The following BRCA2 variants were observed in gnomAD, a reference collection of about 807,000 sequenced individuals.
BRCA2 encodes the protein BRCA2 DNA repair associated, also known as breast cancer type 2 susceptibility protein.
A neutral mutation model predicts 276.7 loss-of-function variants in BRCA2; 203 were observed. That is an observed-to-expected ratio of 0.73 (90% CI 0.65 to 0.82). BRCA2 has a LOEUF of 0.82. Among genes scored for constraint, BRCA2 ranks in the 40% least tolerant of loss-of-function variants. The pLI is 0.00. For missense variants in BRCA2, 3,920 were observed against 3,915.0 expected (o/e 1.00, Z -0.03); for synonymous variants, 1,289 against 1,338.4 (o/e 0.96, Z 0.81).
intron 24 of BRCA2, among the ~76,000 whole-genome samples, chr13:32,394,024 C>G (rs1374771949): frequency 6.6e-6 from 1 of 152,036 alleles, no homozygotes; most frequent in Non-Finnish European, 1.5e-5. Context: ...CTTATATTCC[C>G]TTCTTCCTTA....
At position 32,353,301 on chromosome 13, in the gene BRCA2, G is replaced by C. The variant is rs118097643; in HGVS notation, c.7008-1560G>C. 6.2e-4 allele frequency among the ~76,000 whole-genome samples: 94 copies of C among 152,224 alleles called. 1 individual carries two copies. Among genetic ancestry groups the C allele is most frequent in the African/African-American group, 2.1e-3 (89 of 41,528 alleles). ...CTCTTTGAGTACTCTCCTGAACCCA[G>C]TCTAGTCAGTCCTTTCAGTAGAACT... On this transcript the variant is annotated intron_variant, in intron 13 of 26. Coordinates refer to ENST00000380152, the MANE Select transcript of BRCA2 (RefSeq NM_000059.4).
chr13:32,348,800 T>C (rs1448103574), intron 13 of BRCA2, among the ~76,000 whole-genome samples: 1 of 152,210 alleles, frequency 6.6e-6, no homozygotes, highest in Non-Finnish European at 1.5e-5. Flanking sequence ...GCTGTGTTGC[T>C]AAGTCTAGAA....
chr13:32,319,312 C>G lies in BRCA2; in HGVS notation c.303C>G (p.Phe101Leu). The change falls in exon 3 of 27, where the codon TTC (phenylalanine) becomes TTG (leucine). Residue 101 changes from phenylalanine to leucine, a missense_variant. By Grantham distance (22) the Phe-to-Leu change is conservative. Around this residue, in one of 2 missense-constraint regions of BRCA2, gnomAD observed 3,263 missense variants for 3,156.9 expected, o/e 1.03. Coordinates refer to ENST00000380152, the MANE Select transcript of BRCA2 (RefSeq NM_000059.4). Reference protein sequence around the residue: ...YQSPVKELDKFKLDLGRNVPN... With the variant: ...YQSPVKELDKLKLDLGRNVPN... ...CTCCTGTAAAAGAATTAGATAAATT[C>G]AAATTAGACTTAGGTAAGTAATGCA... is the stretch of plus-strand genomic sequence containing the variant. 6.2e-7 allele frequency: 1 copy of G among 1,613,242 alleles called. No individual in the cohort carries two copies. The highest frequency in any genetic ancestry group is 1.1e-5 in the South Asian group (1 of 91,062).
In BRCA2 at chr13:32,381,150, G is replaced by C. The variant is rs1232825218; in HGVS notation, c.9256+1005G>C. On this transcript the variant is annotated intron_variant, in intron 24 of 26. Transcript: ENST00000380152. ...ACACATTTTATTGTTATTATAGAAG[G>C]TGGATAACTTTTGTTCATTTAATTC... 2.6e-5 allele frequency among the ~76,000 whole-genome samples: 4 copies of C among 152,148 alleles called. No homozygotes were observed. The East Asian group carries it at 7.7e-4, about 29-fold the overall frequency.
Position 32,398,199 on chromosome 13 carries a change from CT to C in BRCA2, c.9689del (p.Leu3230TyrfsTer19), listed in dbSNP as rs755175776. The part of the protein sequence containing the change: ...SPNCEIYYQS[P>X]LSLCMAKRKS... ...AATTGTGAGATATATTATCAAAGTC[CT>C]TTATCACTTTGTATGGCCAAAAGGA... On this transcript the variant is annotated frameshift_variant, in exon 27 of 27. Coordinates refer to ENST00000380152, the MANE Select transcript of BRCA2 (RefSeq NM_000059.4). LOFTEE classifies it low-confidence loss of function (END_TRUNC). 1 of 1,611,956 alleles carries C rather than the reference CT, an allele frequency of 6.2e-7. No individual in the cohort carries two copies. Among genetic ancestry groups the C allele is most frequent in the Admixed American group, 1.7e-5 (1 of 59,844 alleles).
chr13:32,355,213 A>T lies in BRCA2; in HGVS notation c.7360A>T (p.Ile2454Phe), dbSNP rs876660249. Residue 2454 changes from isoleucine to phenylalanine, a missense_variant, in exon 14 of 27, where the codon ATT becomes TTT. By Grantham distance (21) the Ile-to-Phe change is conservative. Coordinates refer to ENST00000380152, the MANE Select transcript of BRCA2 (RefSeq NM_000059.4). ...DSKNKINDNE[I>F]HQFNKNNSNQ... ...TAAAAATAAGATTAATGACAATGAG[A>T]TTCATCAGTTTAACAAAAACAACTC... 2.5e-6 allele frequency: 4 copies of T among 1,612,762 alleles called. No homozygotes were observed. The African/African-American group carries it at 5.3e-5, about 22-fold the overall frequency.
At chr13:32,370,604 C>G (rs11571744) in intron 19 of BRCA2, 47 bp downstream of exon 19, 1 of 1,574,020 alleles carries the variant, frequency 6.4e-7, no homozygotes, top group Non-Finnish European at 8.7e-7. Context: ...TCTTTTGATA[C>G]AATTAATTTG....
At chr13:32,346,989 G>A (rs565269424) in intron 13 of BRCA2, 93 bp downstream of exon 13, 21 of 935,186 alleles carry the variant, frequency 2.2e-5, no homozygotes, top group African/African-American at 1.2e-4. Flanking sequence ...TGACACTAAC[G>A]TTAAGAAGTT....
chr13:32,358,686 A>G (rs1345071917), intron 16 of BRCA2, among the ~76,000 whole-genome samples: 1 of 151,294 alleles, frequency 6.6e-6, no homozygotes, highest in Non-Finnish European at 1.5e-5. Context: ...TAGTCCCAAC[A>G]CTTCGGAAGG....
chr13:32,387,282 G>A (rs2072966966), intron 24 of BRCA2, among the ~76,000 whole-genome samples: 1 of 152,182 alleles, frequency 6.6e-6, no homozygotes, highest in South Asian at 2.1e-4. Context: ...TGGACAATTA[G>A]CAATCATTAT....
At chr13:32,351,255 G>A (rs1258042194) in intron 13 of BRCA2, among the ~76,000 whole-genome samples, 1 of 152,146 alleles carries the variant, frequency 6.6e-6, no homozygotes. Flanking sequence ...CACTCCTGAA[G>A]TCAGCAAGAC....
Position 32,333,536 on chromosome 13 carries a change from A to G in BRCA2, c.1909+149A>G, listed in dbSNP as rs552282113. 73 of 908,664 alleles carry G rather than the reference A, an allele frequency of 8.0e-5. No individual in the cohort carries two copies. The African/African-American group carries it at 1.2e-3, about 14-fold the overall frequency. 56.3% of individuals were successfully genotyped at this position (908,664 alleles called of 1,614,324 possible). A position where few individuals can be genotyped will look rare whatever the true frequency, so the allele number is the denominator to read the frequency against. On this transcript the variant is annotated intron_variant, in intron 10 of 26. Transcript: ENST00000380152. Reference sequence around the variant, plus strand: ...TACATGATTGTTTAGGTCTTTAATTACCAGTGTTTAGAATCAGGTCACTCA... The same window carrying G: ...TACATGATTGTTTAGGTCTTTAATTGCCAGTGTTTAGAATCAGGTCACTCA...
rs1207483065 is a variant in BRCA2, at chr13:32,362,617, A to G, written c.7900A>G (p.Met2634Val). ...YRWIIWKLAA[M>V]ECAFPKEFAN... The stretch of plus-strand genomic sequence containing the variant: ...ATGGATCATATGGAAACTGGCAGCT[A>G]TGGAATGTGCCTTTCCTAAGGAATT... Residue 2634 changes from methionine (M) to valine (V), a missense_variant, in exon 17 of 27, where the codon ATG becomes GTG. Met to Val is a conservative substitution (Grantham distance 21). This residue lies in a region of BRCA2 where 3,263 missense variants were observed against 3,156.9 expected (regional missense o/e 1.03). Coordinates refer to ENST00000380152, the MANE Select transcript of BRCA2 (RefSeq NM_000059.4). The G allele has an allele frequency of 2.5e-6, 4 of 1,614,200 alleles. No individual in the cohort carries two copies. The highest frequency in any genetic ancestry group is 2.2e-5 in the East Asian group (1 of 44,884).
intron 16 of BRCA2, among the ~76,000 whole-genome samples, chr13:32,360,625 T>C (rs1389651881): frequency 1.3e-5 from 2 of 152,194 alleles, no homozygotes; most frequent in East Asian, 3.8e-4. Flanking sequence ...CCCAAAGTGC[T>C]GGAATTACAG....
Position 32,344,563 on chromosome 13 carries a change from C to G in BRCA2, c.6847C>G (p.Pro2283Ala), listed in dbSNP as rs80358909. 3 of 1,519,106 alleles carry G rather than the reference C, an allele frequency of 2.0e-6. No individual in the cohort carries two copies. The highest frequency in any genetic ancestry group is 1.8e-6 in the Non-Finnish European group (2 of 1,097,326). 94.1% of individuals were successfully genotyped at this position (1,519,106 alleles called of 1,614,324 possible). Reference protein sequence around the residue: ...RGEPLILVGEPSIKRNLLNEF... With the variant: ...RGEPLILVGEASIKRNLLNEF... ...TATGAAATATTTCTTTTTAGGAGAACCCTCAATCAAAAGAAACTTATTAAA... is the reference window on the plus strand; with the variant it reads ...TATGAAATATTTCTTTTTAGGAGAAGCCTCAATCAAAAGAAACTTATTAAA... Residue 2283 changes from proline (P) to alanine (A), a missense_variant, in exon 12 of 27, where the codon CCC becomes GCC. Transcript: ENST00000380152.
rs398122712 is a variant in BRCA2, at chr13:32,376,736, A to T, written c.8699A>T (p.Asp2900Val). The T allele has an allele frequency of 3.1e-6, 5 of 1,614,164 alleles. No individual in the cohort carries two copies. Among genetic ancestry groups the T allele is most frequent in the Middle Eastern group, 3.3e-4 (2 of 6,062 alleles). ...AGACAGCAAGTTCGTGCTTTGCAAG[A>T]TGGTGCAGAGCTTTATGAAGCAGTG... The part of the protein sequence containing the change: ...LTRQQVRALQ[D>V]GAELYEAVKN... Residue 2900 changes from aspartate to valine, a missense_variant, in exon 21 of 27, where the codon GAT becomes GTT. This residue lies in a region of BRCA2 where 657 missense variants were observed against 758.2 expected (regional missense o/e 0.87). Coordinates refer to ENST00000380152, the MANE Select transcript of BRCA2 (RefSeq NM_000059.4).
chr13:32,397,038 G>C lies in BRCA2; in HGVS notation c.9642G>C (p.Lys3214Asn), dbSNP rs1335111231. The change falls in exon 26 of 27, where the codon AAG becomes AAC. Residue 3214 changes from lysine (K) to asparagine (N), a missense_variant. This residue lies in a region of BRCA2 where 657 missense variants were observed against 758.2 expected (regional missense o/e 0.87). Coordinates refer to ENST00000380152, the MANE Select transcript of BRCA2 (RefSeq NM_000059.4). ...AAATCATTCCTGGTACAGGAAACAA[G>C]CTTCTGGTAAGTTAATGTAAACTCA... ...TAQIIPGTGN[K>N]LLMSSPNCEI... is the part of the protein sequence containing the mutation. The C allele has an allele frequency of 6.2e-7, 1 of 1,613,902 alleles. No individual in the cohort carries two copies. The highest frequency in any genetic ancestry group is 8.5e-7 in the Non-Finnish European group (1 of 1,179,860).
intron 10 of BRCA2, 125 bp from the exon 11 acceptor site, chr13:32,336,140 A>C (rs1832897809): frequency 1.8e-6 from 2 of 1,106,296 alleles, no homozygotes; most frequent in Non-Finnish European, 2.5e-6. Flanking sequence ...TCAGCCTCCC[A>C]AAAGTGCTGA....
In BRCA2 at chr13:32,345,339, A is replaced by G. The variant is rs1347083019; in HGVS notation, c.6937+686A>G. On this transcript the variant is annotated intron_variant, in intron 12 of 26. Transcript: ENST00000380152. ...TGAAGTATGCAAGCATAATATACCA[A>G]CAGTACAAATATCAACAGTGAAAAG... 2.6e-5 allele frequency among the ~76,000 whole-genome samples: 4 copies of G among 152,098 alleles called. No homozygotes were observed. The East Asian group carries it at 7.7e-4, about 29-fold the overall frequency.
Sources: allele counts gnomAD v4.1 joint callset (sites outside exome capture counted in the v4.1 genomes callset), GRCh38; gene constraint gnomAD v4.1.1; regional missense constraint gnomAD v4.1.1; transcripts MANE v1.5; gene names NCBI Gene and HGNC (gene_info 2026-07-23, HGNC 2026-07-21).